VAX2: variants seen among roughly 807,000 people sequenced by gnomAD.
VAX2 encodes the protein ventral anterior homeobox 2.
A neutral mutation model predicts 12.5 loss-of-function variants in VAX2; 8 were observed. That is an observed-to-expected ratio of 0.64 (90% CI 0.37 to 1.15). VAX2 has a LOEUF of 1.15. Among genes scored for constraint, VAX2 ranks in the 50% most tolerant of loss-of-function variants. The pLI is 0.01. For missense variants in VAX2, 476 were observed against 412.9 expected (o/e 1.15, Z -1.32); for synonymous variants, 183 against 187.6 (o/e 0.98, Z 0.20).
At chr2:70,912,167 T>C (rs1311024189) in intron 1 of VAX2, among the ~76,000 whole-genome samples, 1 of 152,226 alleles carries the variant, frequency 6.6e-6, no homozygotes, top group Non-Finnish European at 1.5e-5. Flanking sequence ...CATTATACCA[T>C]TTTAGTTGCT....
At chr2:70,916,644 G>GT (rs1558657461) in intron 1 of VAX2, among the ~76,000 whole-genome samples, 1 of 152,140 alleles carries the variant, frequency 6.6e-6, no homozygotes, top group African/African-American at 2.4e-5. Context: ...TTTGGGAACT[G>GT]TTTTTTCCCC....
At chr2:70,921,457 T>C (rs995198513) in intron 2 of VAX2, among the ~76,000 whole-genome samples, 172 bp downstream of exon 2, 3 of 151,996 alleles carry the variant, frequency 2.0e-5, no homozygotes, top group Non-Finnish European at 2.9e-5. Flanking sequence ...CAAATAAATA[T>C]AGCGCCGACC....
At chr2:70,922,921 G>T (rs1482694803) in intron 2 of VAX2, among the ~76,000 whole-genome samples, 1 of 152,152 alleles carries the variant, frequency 6.6e-6, no homozygotes, top group Non-Finnish European at 1.5e-5. Context: ...GCCCTTGGAG[G>T]TCAAGCCCAA....
intron 2 of VAX2, among the ~76,000 whole-genome samples, chr2:70,923,954 G>C (rs1484342518): frequency 1.3e-4 from 20 of 152,118 alleles, no homozygotes; most frequent in Non-Finnish European, 5.9e-5. Flanking sequence ...TGGCAGCAGA[G>C]GGAGACCTTA....
At position 70,932,789 on chromosome 2, in the gene VAX2, G is replaced by A. The variant is rs145503713; in HGVS notation, c.458G>A (p.Arg153His). Residue 153 changes from arginine to histidine, a missense_variant, in exon 3 of 3, where the codon CGC becomes CAC. Physicochemically the swap from Arg to His is conservative, Grantham distance 29 (BLOSUM62 0). Transcript: ENST00000234392. ...AAGGTGAAGGTCTGGTTCCAGAACC[G>A]CCGCACCAAGCAGAAGAAAGACCAG... is the stretch of plus-strand genomic sequence containing the variant. ...ETQVKVWFQN[R>H]RTKQKKDQSR... is the part of the protein sequence containing the mutation. 104 of 1,568,720 alleles carry A rather than the reference G, an allele frequency of 6.6e-5. No homozygotes were observed. The African/African-American group carries it at 7.4e-4, about 11-fold the overall frequency.
At chr2:70,915,413 A>G (rs1394321295) in intron 1 of VAX2, among the ~76,000 whole-genome samples, 1 of 151,858 alleles carries the variant, frequency 6.6e-6, no homozygotes, top group Non-Finnish European at 1.5e-5. Flanking sequence ...ATTTTTTAGT[A>G]GAGACGGAGT....
chr2:70,933,013 C>T lies in VAX2; in HGVS notation c.682C>T (p.Arg228Cys), dbSNP rs537419945. The change falls in exon 3 of 3, where the codon CGC becomes TGC. Residue 228 changes from arginine (R) to cysteine (C), a missense_variant. By Grantham distance (180) the Arg-to-Cys change is radical. Transcript: ENST00000234392. ...AGGTGACCCCAGGAACTCCTCCCCA[C>T]GCCTCAACCCGCTGTCCTCGGCCTC... ...SLGDPRNSSPRLNPLSSASAS... is the reference protein window; with the variant it reads ...SLGDPRNSSPCLNPLSSASAS... 1.7e-4 allele frequency: 266 copies of T among 1,597,174 alleles called. 2 individuals carry two copies. In the South Asian group the frequency reaches 2.6e-3, roughly 15 times the overall value.
At chr2:70,916,542 A>G (rs193231798) in intron 1 of VAX2, among the ~76,000 whole-genome samples, 12 of 152,282 alleles carry the variant, frequency 7.9e-5, no homozygotes, top group Non-Finnish European at 1.0e-4. Flanking sequence ...TCCTTCCTCC[A>G]TCCCCAAATC....
intron 1 of VAX2, among the ~76,000 whole-genome samples, chr2:70,916,114 CGTGTTTTTTCTACTAA>C (rs1679301085): frequency 6.6e-6 from 1 of 152,136 alleles, no homozygotes; most frequent in Non-Finnish European, 1.5e-5. Flanking sequence ...GAGACACTAT[CGTGTTTTTTCTACTAA>C]TGGATTTGTC....
At chr2:70,914,766 T>A (rs1295689569) in intron 1 of VAX2, among the ~76,000 whole-genome samples, 4 of 152,082 alleles carry the variant, frequency 2.6e-5, no homozygotes, top group African/African-American at 9.7e-5. Flanking sequence ...CCCAGATAAA[T>A]TACTTGACCA....
At chr2:70,927,641 C>T (rs1433481745) in intron 2 of VAX2, among the ~76,000 whole-genome samples, 1 of 151,812 alleles carries the variant, frequency 6.6e-6, no homozygotes, top group Non-Finnish European at 1.5e-5. Flanking sequence ...GACCATGAGC[C>T]CAAAGAAGCT....
intron 1 of VAX2, among the ~76,000 whole-genome samples, chr2:70,914,175 C>T: frequency 6.6e-6 from 1 of 152,090 alleles, no homozygotes; most frequent in Non-Finnish European, 1.5e-5. Context: ...AGGCCAGGTG[C>T]GGTGGCTCAT....
intron 1 of VAX2, among the ~76,000 whole-genome samples, chr2:70,909,504 G>T (rs1553410974): frequency 6.6e-6 from 1 of 151,966 alleles, no homozygotes; most frequent in Non-Finnish European, 1.5e-5. Context: ...ATACTATTTT[G>T]CTATGTCATG....
chr2:70,914,304 G>A (rs1414190588), intron 1 of VAX2, among the ~76,000 whole-genome samples: 1 of 152,100 alleles, frequency 6.6e-6, no homozygotes, highest in Non-Finnish European at 1.5e-5. Context: ...ACAAAAATTA[G>A]GGGGCGTGGT....
chr2:70,920,412 A>C (rs1679425551), intron 1 of VAX2, among the ~76,000 whole-genome samples: 1 of 152,156 alleles, frequency 6.6e-6, no homozygotes, highest in African/African-American at 2.4e-5. Context: ...GGCATTGGTC[A>C]GAGCCCAGGA....
chr2:70,919,217 G>T (rs1300286049), intron 1 of VAX2, among the ~76,000 whole-genome samples: 4 of 140,952 alleles, frequency 2.8e-5, no homozygotes, highest in African/African-American at 1.0e-4. Context: ...CTAAGCAACA[G>T]AGTGTGTCTC....
At chr2:70,909,191 G>C (rs1458269265) in intron 1 of VAX2, among the ~76,000 whole-genome samples, 1 of 151,788 alleles carries the variant, frequency 6.6e-6, no homozygotes, top group African/African-American at 2.4e-5. Flanking sequence ...TTAGAGACAA[G>C]GGCTCACTCT....
chr2:70,909,101 T>A (rs1553410918), intron 1 of VAX2, among the ~76,000 whole-genome samples: 1 of 152,184 alleles, frequency 6.6e-6, no homozygotes, highest in Non-Finnish European at 1.5e-5. Context: ...AATTTATCCT[T>A]TGATTTTGTT....
At chr2:70,906,084 C>A (rs189209750) in intron 1 of VAX2, among the ~76,000 whole-genome samples, 1 of 152,198 alleles carries the variant, frequency 6.6e-6, no homozygotes, top group African/African-American at 2.4e-5. Flanking sequence ...AGCCAGTAGC[C>A]GGTTACCTGG....
Sources: gnomAD v4.1 joint callset for allele counts (sites outside exome capture counted in the v4.1 genomes callset) on GRCh38, gnomAD v4.1.1 for gene constraint, MANE v1.5 for transcripts, NCBI Gene and HGNC (gene_info 2026-07-23, HGNC 2026-07-21) for gene names.